The following BCL2 variants were observed in gnomAD, a reference collection of about 807,000 sequenced individuals.
BCL2 encodes apoptosis regulator Bcl-2.
Under a neutral mutation model 14.2 loss-of-function variants are expected in BCL2, and 1 was observed. That is an observed-to-expected ratio of 0.07 (90% CI 0.02 to 0.33). The LOEUF (loss-of-function observed/expected upper bound fraction) is 0.33. BCL2 is among the 10% of genes least tolerant of loss of function. BCL2 has a pLI of 0.99. For missense variants in BCL2, 247 were observed against 305.9 expected (o/e 0.81, Z 1.44); for synonymous variants, 151 against 137.2 (o/e 1.10, Z -0.70).
At chr18:63,309,111 G>A (rs1913228918) in intron 2 of BCL2, among the ~76,000 whole-genome samples, 1 of 152,210 alleles carries the variant, frequency 6.6e-6, no homozygotes, top group Non-Finnish European at 1.5e-5. Flanking sequence ...CAGCAAAGCT[G>A]CAGGTTAACC....
chr18:63,236,972 T>G (rs1221549073), intron 2 of BCL2, among the ~76,000 whole-genome samples: 1 of 152,216 alleles, frequency 6.6e-6, no homozygotes, highest in Non-Finnish European at 1.5e-5. Flanking sequence ...TTTTAAAATC[T>G]GAAACGGGAG....
chr18:63,239,054 C>G (rs1455921449), intron 2 of BCL2, among the ~76,000 whole-genome samples: 1 of 152,182 alleles, frequency 6.6e-6, no homozygotes, highest in East Asian at 1.9e-4. Flanking sequence ...CTTCCTATAA[C>G]ATTTAAATTA....
At chr18:63,133,302 G>A (rs373192222) in intron 2 of BCL2, among the ~76,000 whole-genome samples, 5 of 142,726 alleles carry the variant, frequency 3.5e-5, no homozygotes, top group African/African-American at 1.3e-4. Context: ...TTCCTTTTCC[G>A]TTCAGAACCT....
At chr18:63,301,659 C>A (rs944944018) in intron 2 of BCL2, among the ~76,000 whole-genome samples, 5 of 152,188 alleles carry the variant, frequency 3.3e-5, no homozygotes, top group Admixed American at 1.3e-4. Context: ...ATCTTTTACT[C>A]ACAAATTACA....
chr18:63,175,163 G>C (rs765479), intron 2 of BCL2, among the ~76,000 whole-genome samples: 1 of 152,054 alleles, frequency 6.6e-6, no homozygotes, highest in Non-Finnish European at 1.5e-5. Context: ...CAAATCACTA[G>C]CATTCATGAA....
chr18:63,182,186 G>A (rs1915493076), intron 2 of BCL2, among the ~76,000 whole-genome samples: 1 of 152,184 alleles, frequency 6.6e-6, no homozygotes, highest in South Asian at 2.1e-4. Flanking sequence ...TTGATTTGGG[G>A]TGTGGCTTGG....
At chr18:63,187,998 G>A (rs1318532191) in intron 2 of BCL2, among the ~76,000 whole-genome samples, 3 of 152,190 alleles carry the variant, frequency 2.0e-5, no homozygotes, top group Non-Finnish European at 4.4e-5. Flanking sequence ...TCAGACCATG[G>A]AAATATCAGC....
intron 2 of BCL2, among the ~76,000 whole-genome samples, chr18:63,280,905 T>C (rs1314826221): frequency 6.6e-6 from 1 of 152,188 alleles, no homozygotes; most frequent in Non-Finnish European, 1.5e-5. Flanking sequence ...GCAGCATTAT[T>C]CACATTAGTC....
intron 2 of BCL2, among the ~76,000 whole-genome samples, chr18:63,199,227 C>T (rs1225847846): frequency 6.8e-6 from 1 of 147,852 alleles, no homozygotes; most frequent in African/African-American, 2.5e-5. Flanking sequence ...ACACACACTA[C>T]ACAACACATG....
chr18:63,128,298 C>T lies in BCL2; in HGVS notation c.*327G>A, dbSNP rs1397584496. ...CACAGAACATCCAGGTGGAGCCACA[C>T]GAAGCGGTGCTTGGCAATTAGTGGT... On this transcript the variant is annotated 3_prime_UTR_variant, in exon 3 of 3. Transcript: ENST00000333681. The T allele has an allele frequency of 3.9e-5, 10 of 254,164 alleles. No homozygotes were observed. Among genetic ancestry groups the T allele is most frequent in the Non-Finnish European group, 6.8e-5 (9 of 131,404 alleles). The allele number at this position is 254,164 out of a possible 1,614,324, so 15.7% of individuals were successfully genotyped here.
intron 2 of BCL2, among the ~76,000 whole-genome samples, chr18:63,282,948 A>T (rs1912357281): frequency 6.6e-6 from 1 of 152,194 alleles, no homozygotes; most frequent in Non-Finnish European, 1.5e-5. Flanking sequence ...CTGAAACTCA[A>T]TTCCCAGGCA....
chr18:63,252,776 AT>A (rs2144210657), intron 2 of BCL2, among the ~76,000 whole-genome samples: 1 of 152,296 alleles, frequency 6.6e-6, no homozygotes, highest in Non-Finnish European at 1.5e-5. Flanking sequence ...AGTCTAAGGT[AT>A]ATCTTTATCA....
intron 2 of BCL2, among the ~76,000 whole-genome samples, chr18:63,269,206 G>C (rs888543931): frequency 6.6e-6 from 1 of 151,818 alleles, no homozygotes; most frequent in Non-Finnish European, 1.5e-5. Context: ...CTACCACATC[G>C]GCCTCCCAAA....
intron 2 of BCL2, among the ~76,000 whole-genome samples, chr18:63,190,904 C>A (rs1055450524): frequency 3.9e-5 from 6 of 152,170 alleles, no homozygotes; most frequent in African/African-American, 1.4e-4. Context: ...TCCCTGTGTC[C>A]ATGTGTTCTC....
At chr18:63,287,579 G>A (rs1419575885) in intron 2 of BCL2, among the ~76,000 whole-genome samples, 1 of 152,098 alleles carries the variant, frequency 6.6e-6, no homozygotes, top group African/African-American at 2.4e-5. Flanking sequence ...GATTAGAGTA[G>A]TGGTTACCTC....
intron 2 of BCL2, among the ~76,000 whole-genome samples, chr18:63,274,191 T>G (rs1402968588): frequency 6.6e-6 from 1 of 152,014 alleles, no homozygotes; most frequent in Non-Finnish European, 1.5e-5. Flanking sequence ...TACGGTAATT[T>G]CCTATGCTAT....
chr18:63,188,952 T>A (rs2144649603), intron 2 of BCL2, among the ~76,000 whole-genome samples: 1 of 151,186 alleles, frequency 6.6e-6, no homozygotes, highest in South Asian at 2.1e-4. Flanking sequence ...CATATCAGTT[T>A]ACCAATTTAG....
chr18:63,298,581 A>G (rs1912865441), intron 2 of BCL2, among the ~76,000 whole-genome samples: 1 of 152,252 alleles, frequency 6.6e-6, no homozygotes, highest in Non-Finnish European at 1.5e-5. Flanking sequence ...GGTAAATTAC[A>G]CAACAGAGAA....
intron 2 of BCL2, chr18:63,207,589 A>T (rs936762642): frequency 6.6e-6 from 1 of 152,248 alleles, no homozygotes; most frequent in African/African-American, 2.4e-5. Context: ...ATTGTTCCAG[A>T]CTGCCTGGGA....
Sources: allele counts gnomAD v4.1 joint callset (sites outside exome capture counted in the v4.1 genomes callset), GRCh38; gene constraint gnomAD v4.1.1; transcripts MANE v1.5; gene names NCBI Gene and HGNC (gene_info 2026-07-23, HGNC 2026-07-21).